The following LRRC1 variants were observed in gnomAD, a reference collection of about 807,000 sequenced individuals.
The protein encoded by LRRC1 is leucine rich repeat containing 1, also known as leucine-rich repeat-containing protein 1.
LRRC1 carries 28 observed loss-of-function variants against 69.9 expected under a neutral mutation model. The ratio of observed to expected loss-of-function variants is 0.40; its 90% CI spans 0.30 to 0.55. The LOEUF is 0.55. LRRC1 is among the 20% of genes least tolerant of loss of function. LRRC1 has a pLI of 0.47. For missense variants in LRRC1, 498 were observed against 609.0 expected (o/e 0.82, Z 1.92); for synonymous variants, 236 against 240.2 (o/e 0.98, Z 0.16).
intron 2 of LRRC1, among the ~76,000 whole-genome samples, chr6:53,869,366 C>T (rs1766808032): frequency 6.6e-6 from 1 of 152,110 alleles, no homozygotes; most frequent in Admixed American, 6.6e-5. Flanking sequence ...CAGGCTAGAC[C>T]TCATTGAGAA....
intron 11 of LRRC1, among the ~76,000 whole-genome samples, chr6:53,915,296 G>T (rs979858269): frequency 6.6e-6 from 1 of 152,204 alleles, no homozygotes. Context: ...ATAAACAGCA[G>T]TTCTCAGCTG....
intron 2 of LRRC1, among the ~76,000 whole-genome samples, chr6:53,859,688 T>C (rs1766433841): frequency 6.6e-6 from 1 of 152,186 alleles, no homozygotes; most frequent in African/African-American, 2.4e-5. Flanking sequence ...GGCATCCTTC[T>C]GCCAGGGTAG....
intron 1 of LRRC1, among the ~76,000 whole-genome samples, chr6:53,814,421 C>T (rs1338144496): frequency 6.6e-6 from 1 of 152,210 alleles, no homozygotes; most frequent in Non-Finnish European, 1.5e-5. Flanking sequence ...CTACACATAT[C>T]TGTCCATTAT....
chr6:53,840,537 G>A (rs768389890), intron 1 of LRRC1, among the ~76,000 whole-genome samples: 11 of 151,886 alleles, frequency 7.2e-5, no homozygotes, highest in Non-Finnish European at 1.3e-4. Flanking sequence ...GCAGTTTCCT[G>A]TATTTCTCTC....
intron 4 of LRRC1, among the ~76,000 whole-genome samples, chr6:53,893,763 C>T (rs138193648): frequency 1.3e-3 from 194 of 152,210 alleles, no homozygotes; most frequent in African/African-American, 4.6e-3. Context: ...ATCACCCATA[C>T]ATCCACATTT....
intron 1 of LRRC1, among the ~76,000 whole-genome samples, chr6:53,798,675 G>A (rs781187080): frequency 3.9e-5 from 6 of 152,144 alleles, no homozygotes; most frequent in Non-Finnish European, 7.4e-5. Context: ...CACCATGCCC[G>A]GCCTTACCTT....
intron 1 of LRRC1, among the ~76,000 whole-genome samples, chr6:53,825,652 A>G (rs1363849443): frequency 6.6e-6 from 1 of 152,158 alleles, no homozygotes; most frequent in African/African-American, 2.4e-5. Flanking sequence ...ACTGAAATGC[A>G]TCGCCTCACT....
At chr6:53,906,331 A>C (rs1768236279) in intron 10 of LRRC1, among the ~76,000 whole-genome samples, 1 of 152,226 alleles carries the variant, frequency 6.6e-6, no homozygotes, top group African/African-American at 2.4e-5. Context: ...GAGGTAGGGC[A>C]AGCCCCTGAT....
intron 3 of LRRC1, among the ~76,000 whole-genome samples, chr6:53,880,251 G>A (rs9382250): frequency 0.83 from 125,790 of 152,086 alleles, 52,215 homozygotes; most frequent in East Asian, 0.96. Flanking sequence ...TGATTAAGTT[G>A]CATGTAACAT....
At chr6:53,806,020 T>G (rs1764627491) in intron 1 of LRRC1, among the ~76,000 whole-genome samples, 1 of 152,180 alleles carries the variant, frequency 6.6e-6, no homozygotes, top group Admixed American at 6.5e-5. Flanking sequence ...TAGTCTTCGT[T>G]TTTTGTAGTT....
rs376371872 is a variant in LRRC1, at chr6:53,875,423, TATA to T, written c.278-3567_278-3565del. Among the ~76,000 whole-genome samples the T allele has an allele frequency of 3.5e-3, 529 of 152,236 alleles. 2 individuals are homozygous for T. The highest frequency in any genetic ancestry group is 0.012 in the African/African-American group (486 of 41,534). On this transcript the variant is annotated intron_variant, in intron 2 of 13. Coordinates refer to ENST00000370888, the MANE Select transcript of LRRC1 (RefSeq NM_018214.5). ...TTATCATGAACTTAGTATTGTGAAA[TATA>T]ATCTATTTATACACATATTCTGTGT...
chr6:53,896,409 A>C, intron 4 of LRRC1, 89 bp from the exon 5 acceptor site: 1 of 1,078,350 alleles, frequency 9.3e-7, no homozygotes, highest in South Asian at 1.3e-5. Context: ...TAAGTGTTGC[A>C]ACTTGTCCAG....
At chr6:53,858,821 A>G (rs1307655155) in intron 2 of LRRC1, among the ~76,000 whole-genome samples, 1 of 152,226 alleles carries the variant, frequency 6.6e-6, no homozygotes, top group Non-Finnish European at 1.5e-5. Flanking sequence ...AATCTCATTT[A>G]GAAACTGGTA....
chr6:53,871,003 G>A (rs1766865636), intron 2 of LRRC1, among the ~76,000 whole-genome samples: 1 of 152,142 alleles, frequency 6.6e-6, no homozygotes, highest in East Asian at 1.9e-4. Flanking sequence ...AGTACATTGT[G>A]TGAAATATAC....
rs189166876 is a variant in LRRC1 at position 53,809,094 on chromosome 6, T to C, written c.159+13679T>C. ...GAAGCTCTCTGAACAGCAATGAGCA[T>C]TTGTTTTCTCATAGCAGCACTCCAA... On this transcript the variant is annotated intron_variant, in intron 1 of 13. Coordinates refer to ENST00000370888, the MANE Select transcript of LRRC1 (RefSeq NM_018214.5). Among the ~76,000 whole-genome samples the C allele has an allele frequency of 2.6e-4, 40 of 152,286 alleles. No homozygotes were observed. In the East Asian group the frequency reaches 7.3e-3, roughly 28 times the overall value.
intron 10 of LRRC1, chr6:53,905,333 CAAAAAAAAA>C: frequency 1.4e-5 from 1 of 71,266 alleles, no homozygotes; most frequent in South Asian, 5.7e-4. Flanking sequence ...GACTCTATCT[CAAAAAAAAA>C]AAAAAAAAAA....
intron 8 of LRRC1, among the ~76,000 whole-genome samples, 168 bp downstream of exon 8, chr6:53,900,059 A>C (rs1768008778): frequency 9.9e-6 from 1 of 100,956 alleles, no homozygotes. Flanking sequence ...TTTTTCTGAG[A>C]TGGAGTCTCG....
intron 2 of LRRC1, among the ~76,000 whole-genome samples, chr6:53,875,230 A>G (rs1256728003): frequency 6.6e-6 from 1 of 152,230 alleles, no homozygotes; most frequent in Non-Finnish European, 1.5e-5. Flanking sequence ...CATACATATA[A>G]CATCAGGAAC....
At chr6:53,914,486 T>A (rs1178757445) in intron 11 of LRRC1, among the ~76,000 whole-genome samples, 1 of 152,158 alleles carries the variant, frequency 6.6e-6, no homozygotes, top group African/African-American at 2.4e-5. Flanking sequence ...AATCTCCAAA[T>A]GATTCATAAT....
Sources: allele counts gnomAD v4.1 joint callset (sites outside exome capture counted in the v4.1 genomes callset), GRCh38; gene constraint gnomAD v4.1.1; transcripts MANE v1.5; gene names NCBI Gene and HGNC (gene_info 2026-07-23, HGNC 2026-07-21).